MINAR1: variants seen among roughly 807,000 people sequenced by gnomAD.
MINAR1 encodes the protein membrane integral NOTCH2 associated receptor 1.
MINAR1 carries 40 observed loss-of-function variants against 65.1 expected under a neutral mutation model. The observed-to-expected ratio is 0.61, with a 90% CI of 0.48 to 0.80. The LOEUF (loss-of-function observed/expected upper bound fraction) is 0.80. Among genes scored for constraint, MINAR1 ranks in the 30% least tolerant of loss-of-function variants. MINAR1 has a pLI of 0.00. For synonymous variants in MINAR1, 482 were observed against 449.1 expected, an observed-to-expected ratio of 1.07 and a Z score of -0.93; for missense variants, 1,128 against 1,148.0, an observed-to-expected ratio of 0.98 and a Z score of 0.25.
chr15:79,425,823 C>A, the MINAR1 span: 1 of 152,380 alleles, frequency 6.6e-6, no homozygotes, highest in African/African-American at 2.4e-5. Context: ...TTGGTCAGTA[C>A]ACCACACTTT....
Position 79,456,245 on chromosome 15 carries a change from C to G in MINAR1, c.98C>G (p.Ser33Cys). The G allele has an allele frequency of 6.2e-7, 1 of 1,614,166 alleles. No individual in the cohort carries two copies. Among genetic ancestry groups the G allele is most frequent in the Non-Finnish European group, 8.5e-7 (1 of 1,180,034 alleles). ...GTTTCTTATCAGGACCTGTGCAAAT[C>G]TCTCTGTGCCCGGTTCGACCTGTCG... Reference protein sequence around the residue: ...NTVSYQDLCKSLCARFDLSQL... With the variant: ...NTVSYQDLCKCLCARFDLSQL... Residue 33 changes from serine (S) to cysteine (C), a missense_variant, in exon 2 of 4, where the codon TCT (serine) becomes TGT (cysteine). By Grantham distance (112) the Ser-to-Cys change is moderately radical. Coordinates refer to ENST00000305428, the MANE Select transcript of MINAR1 (RefSeq NM_015206.3).
the MINAR1 span, chr15:79,417,615 C>T: frequency 6.6e-6 from 1 of 152,332 alleles, no homozygotes; most frequent in African/African-American, 2.4e-5. Flanking sequence ...GCTGCAGCAG[C>T]TGTGGTTAGA....
the MINAR1 span, chr15:79,416,494 A>G: frequency 3.9e-5 from 6 of 152,232 alleles, no homozygotes; most frequent in Admixed American, 3.9e-4. Flanking sequence ...ACCAGGACAG[A>G]ACCACTTCAT....
chr15:79,441,547 C>A lies in MINAR1; in HGVS notation c.-51+9007C>A, dbSNP rs1894869505. 1.3e-5 allele frequency among the ~76,000 whole-genome samples: 2 copies of A among 152,218 alleles called. 1 individual carries two copies. The highest frequency in any genetic ancestry group is 6.8e-3 in the Middle Eastern group (2 of 294). ...AGAATATATTCATAAACTTTGTTTA[C>A]ATATATCTGATTATTTTCTTCAGAT... On this transcript the variant is annotated intron_variant, in intron 1 of 3. Transcript: ENST00000305428.
chr15:79,414,674 T>C, the MINAR1 span: 1 of 152,186 alleles, frequency 6.6e-6, no homozygotes, highest in East Asian at 1.9e-4. Flanking sequence ...TGGTTGGAGA[T>C]GTAGGTGACC....
chr15:79,447,442 T>C (rs1300916729), intron 1 of MINAR1, among the ~76,000 whole-genome samples: 1 of 150,262 alleles, frequency 6.7e-6, no homozygotes, highest in Non-Finnish European at 1.5e-5. Context: ...AGTATATTTG[T>C]ATCTTCTTTA....
chr15:79,463,342 G>C, intron 3 of MINAR1, 21 bp downstream of exon 3: 1 of 1,605,074 alleles, frequency 6.2e-7, no homozygotes, highest in Non-Finnish European at 8.5e-7. Flanking sequence ...CACTGTCCCT[G>C]GGTGGGGGAA....
intron 3 of MINAR1, among the ~76,000 whole-genome samples, chr15:79,464,992 A>C (rs1248042697): frequency 1.3e-5 from 2 of 152,204 alleles, no homozygotes; most frequent in East Asian, 1.9e-4. Context: ...CATCTTTGCA[A>C]AGTTTGCAGG....
chr15:79,418,477 A>G, the MINAR1 span: 2 of 152,258 alleles, frequency 1.3e-5, no homozygotes, highest in African/African-American at 2.4e-5. Context: ...TAGAAATGAT[A>G]TAAAATAATG....
chr15:79,463,556 T>C, intron 3 of MINAR1: 1 of 663,466 alleles, frequency 1.5e-6, no homozygotes, highest in Non-Finnish European at 2.7e-6. Context: ...TTGATTGATT[T>C]ATGTATTTTT....
chr15:79,457,773 C>T lies in MINAR1; in HGVS notation c.1626C>T (p.Tyr542=). The T allele has an allele frequency of 1.9e-6, 3 of 1,614,170 alleles. No homozygotes were observed. Among genetic ancestry groups the T allele is most frequent in the South Asian group, 1.1e-5 (1 of 91,080 alleles). ...CGGGAGTGATACAGTCGTCCTGCTA[C>T]AACAGCACAGGATCCTTGTCTCAGC... is the stretch of plus-strand genomic sequence containing the variant. ...GSTGVIQSSC[Y]NSTGSLSQLH... Residue 542 remains tyrosine, a synonymous_variant, in exon 2 of 4, where the codon TAC becomes TAT. Transcript: ENST00000305428.
the MINAR1 span, chr15:79,420,803 A>G: frequency 1.3e-5 from 2 of 152,250 alleles, no homozygotes; most frequent in African/African-American, 4.8e-5. Context: ...TTTGGGGTGG[A>G]AATGGTGGAT....
At chr15:79,444,443 C>T (rs867384219) in intron 1 of MINAR1, among the ~76,000 whole-genome samples, 30 of 152,046 alleles carry the variant, frequency 2.0e-4, no homozygotes, top group African/African-American at 5.5e-4. Context: ...TAATTTTTCT[C>T]GTAACATTAG....
intron 1 of MINAR1, among the ~76,000 whole-genome samples, chr15:79,434,254 T>C (rs550826107): frequency 6.5e-4 from 99 of 152,360 alleles, no homozygotes; most frequent in African/African-American, 2.3e-3. Context: ...GTTGGTGTTA[T>C]GTTCCTTTTG....
intron 3 of MINAR1, among the ~76,000 whole-genome samples, chr15:79,465,440 T>G (rs79920186): frequency 2.2e-4 from 19 of 85,440 alleles, no homozygotes; most frequent in African/African-American, 1.3e-3. Context: ...CAGGGCTAAT[T>G]AATAACTGCA....
chr15:79,457,327 C>T lies in MINAR1; in HGVS notation c.1180C>T (p.His394Tyr). Residue 394 changes from histidine to tyrosine, a missense_variant, in exon 2 of 4, where the codon CAC (histidine) becomes TAC (tyrosine). Physicochemically the swap from His to Tyr is moderately conservative, Grantham distance 83 (BLOSUM62 2). Coordinates refer to ENST00000305428, the MANE Select transcript of MINAR1 (RefSeq NM_015206.3). ...TAGAAATCCCTCCGAGGAGAAGCTA[C>T]ACTATCCAAATGCCAGTAGCCAGAC... Reference protein sequence around the residue: ...FNRNPSEEKLHYPNASSQTPN... With the variant: ...FNRNPSEEKLYYPNASSQTPN... The T allele has an allele frequency of 6.2e-7, 1 of 1,614,188 alleles. No individual in the cohort carries two copies. Among genetic ancestry groups the T allele is most frequent in the Non-Finnish European group, 8.5e-7 (1 of 1,180,040 alleles).
chr15:79,432,250 C>G (rs942480508), upstream of MINAR1, among the ~76,000 whole-genome samples: 3 of 152,138 alleles, frequency 2.0e-5, no homozygotes, highest in Non-Finnish European at 4.4e-5. Flanking sequence ...GGAGTCCGAG[C>G]GCCCCCTTCA....
rs1425055075 is a variant in MINAR1, at chr15:79,469,499, C to T, written c.*1115C>T. On this transcript the variant is annotated 3_prime_UTR_variant, in exon 4 of 4. Coordinates refer to ENST00000305428, the MANE Select transcript of MINAR1 (RefSeq NM_015206.3). ...CTCCAGAGTTTTGAATACTTGTCAGCAGTGCAAAAAATATTATCTGTTTAA... is the reference window on the plus strand; with the variant it reads ...CTCCAGAGTTTTGAATACTTGTCAGTAGTGCAAAAAATATTATCTGTTTAA... 1 of 152,378 alleles carries T rather than the reference C, an allele frequency of 6.6e-6. No homozygotes were observed. Among genetic ancestry groups the T allele is most frequent in the Non-Finnish European group, 1.5e-5 (1 of 68,006 alleles). 9.4% of individuals were successfully genotyped at this position (152,378 alleles called of 1,614,324 possible).
intron 3 of MINAR1, among the ~76,000 whole-genome samples, chr15:79,466,438 G>A (rs1223541942): frequency 1.3e-5 from 2 of 152,214 alleles, no homozygotes; most frequent in African/African-American, 2.4e-5. Flanking sequence ...GAAACAAATA[G>A]GAGTGGCTGT....
Sources: allele counts gnomAD v4.1 joint callset (sites outside exome capture counted in the v4.1 genomes callset), GRCh38; gene constraint gnomAD v4.1.1; transcripts MANE v1.5; gene names NCBI Gene and HGNC (gene_info 2026-07-23, HGNC 2026-07-21).